KIF1A: variants seen among roughly 807,000 people sequenced by gnomAD.
The protein encoded by KIF1A is kinesin family member 1A.
A neutral mutation model predicts 227.3 loss-of-function variants in KIF1A; 46 were observed. That is an observed-to-expected ratio of 0.20 (90% CI 0.16 to 0.26). KIF1A has a LOEUF of 0.26. KIF1A is among the 10% of genes least tolerant of loss of function. The probability of loss-of-function intolerance (pLI) is 1.00; values close to 1 mark genes in which losing one functional copy is unlikely to be tolerated. For missense variants in KIF1A, 1,683 were observed against 2,485.9 expected (o/e 0.68, Z 6.87); for synonymous variants, 1,022 against 1,012.8 (o/e 1.01, Z -0.17).
chr2:240,781,475 ACACACACACACAGCTC>A (rs2053994279), intron 10 of KIF1A, among the ~76,000 whole-genome samples: 2 of 135,018 alleles, frequency 1.5e-5, no homozygotes, highest in African/African-American at 2.8e-5. Context: ...ACACACACAC[ACACACACACACAGCTC>A]CACACACAGC....
chr2:240,746,306 G>A (rs914140491), intron 29 of KIF1A, 129 bp from the exon 30 acceptor site: 134 of 1,095,660 alleles, frequency 1.2e-4, no homozygotes, highest in Admixed American at 3.6e-4. Context: ...ATGAACCCAC[G>A]CACCAGACCT....
At chr2:240,721,092 CTG>C in intron 44 of KIF1A, 54 bp from the exon 45 acceptor site, 5 of 1,598,816 alleles carry the variant, frequency 3.1e-6, no homozygotes, top group Non-Finnish European at 4.3e-6. Flanking sequence ...TCTCCGGCCT[CTG>C]TGGGAGCTGC....
chr2:240,734,776 G>A (rs1002171791), intron 38 of KIF1A: 49 of 1,304,356 alleles, frequency 3.8e-5, no homozygotes, highest in Non-Finnish European at 4.9e-5. Context: ...CACGGTTAGT[G>A]AGGGCCGGGC....
At position 240,758,204 on chromosome 2, in the gene KIF1A, G is replaced by A. The variant is rs537672403; in HGVS notation, c.2582+156C>T. The stretch of plus-strand genomic sequence containing the variant: ...GGTGTGTGGAGAGGAATGGCTGGGA[G>A]GAACCTCAGGCCAGGGAGGACAGGG... On this transcript the variant is annotated intron_variant, in intron 26 of 48. Coordinates refer to ENST00000498729, the MANE Select transcript of KIF1A (RefSeq NM_001244008.2). This position sits in a 1 kb window ranked among gnomAD's most constrained non-coding sequence, Gnocchi z 5.2. 6.6e-6 allele frequency among the ~76,000 whole-genome samples: 1 copy of A among 152,338 alleles called. No homozygotes were observed. Among genetic ancestry groups the A allele is most frequent in the Non-Finnish European group, 1.5e-5 (1 of 68,020 alleles).
chr2:240,731,275 A>G lies in KIF1A; in HGVS notation c.4008-4335T>C, dbSNP rs542914775. On this transcript the variant is annotated intron_variant, in intron 38 of 48. Transcript: ENST00000498729. ...GGGCATGCCAGATGCCAGGTATGCC[A>G]GATGCCAGGCACAGACTAAACAGAG... Among the ~76,000 whole-genome samples, 15 of 152,112 alleles carry G rather than the reference A, an allele frequency of 9.9e-5. No homozygotes were observed. In the South Asian group the frequency reaches 2.7e-3, roughly 27 times the overall value.
intron 45 of KIF1A, chr2:240,720,662 AT>A: frequency 2.9e-6 from 1 of 343,474 alleles, no homozygotes. Flanking sequence ...GCTTTAGCTT[AT>A]TTTCCACCCA....
intron 37 of KIF1A, 168 bp from the exon 38 acceptor site, chr2:240,737,336 C>A (rs996132062): frequency 6.9e-6 from 4 of 576,482 alleles, no homozygotes; most frequent in African/African-American, 1.9e-5. Flanking sequence ...GGGTCCTCAG[C>A]AACCCAGGTG....
Position 240,778,405 on chromosome 2 carries a change from G to A in KIF1A, c.883-2479C>T, listed in dbSNP as rs1335293499. Among the ~76,000 whole-genome samples the A allele has an allele frequency of 2.0e-5, 3 of 150,882 alleles. No homozygotes were observed. The highest frequency in any genetic ancestry group is 4.4e-5 in the Non-Finnish European group (3 of 67,742). ...GTTCCTCACAGCTCCAGAGAAACTTGCCCACATTCCTCCAACATTTCCTAA... is the reference window on the plus strand; with the variant it reads ...GTTCCTCACAGCTCCAGAGAAACTTACCCACATTCCTCCAACATTTCCTAA... On this transcript the variant is annotated intron_variant, in intron 10 of 48. Transcript: ENST00000498729. The surrounding 1 kb of genome is among the most constrained non-coding windows in gnomAD (Gnocchi z 7.2).
At position 240,765,692 on chromosome 2, in the gene KIF1A, C is replaced by T. The variant is rs574613321; in HGVS notation, c.1768+18G>A. On this transcript the variant is annotated intron_variant, in intron 20 of 48. Transcript: ENST00000498729. ...TGCCTCTGCCTACCTGACTGGCCCC[C>T]GGAGTCCCCAGCCATACCTGAACGC... is the stretch of plus-strand genomic sequence containing the variant. 119 of 1,603,154 alleles carry T rather than the reference C, an allele frequency of 7.4e-5. No homozygotes were observed. The highest frequency in any genetic ancestry group is 5.0e-4 in the Middle Eastern group (3 of 6,052).
chr2:240,723,394 T>A lies in KIF1A; in HGVS notation c.4464+19A>T. On this transcript the variant is annotated intron_variant, in intron 42 of 48. Coordinates refer to ENST00000498729, the MANE Select transcript of KIF1A (RefSeq NM_001244008.2). Reference sequence around the variant, plus strand: ...CATGGACACCACCGTGCGGGCCTCATCCTCTGAGGCTGCCTCACCTCCTGC... The same window carrying A: ...CATGGACACCACCGTGCGGGCCTCAACCTCTGAGGCTGCCTCACCTCCTGC... The A allele has an allele frequency of 6.5e-7, 1 of 1,539,390 alleles. No individual in the cohort carries two copies. The highest frequency in any genetic ancestry group is 8.8e-7 in the Non-Finnish European group (1 of 1,139,276).
Position 240,745,867 on chromosome 2 carries a change from G to T in KIF1A, c.3245C>A (p.Ala1082Asp). ...AGCATCCAGGGGCCCATCCAGGGCG[G>T]CTTTCTCAGAGCTGTCTAGGAGGAG... ...EGLLLDSSEK[A>D]ALDGPLDAAL... The change falls in exon 31 of 49, where the codon GCC (alanine) becomes GAC (aspartate). Residue 1082 changes from alanine (A) to aspartate (D), a missense_variant. By Grantham distance (126) the Ala-to-Asp change is moderately radical. Transcript: ENST00000498729. 2 of 1,611,720 alleles carry T rather than the reference G, an allele frequency of 1.2e-6. No individual in the cohort carries two copies. The highest frequency in any genetic ancestry group is 1.1e-5 in the South Asian group (1 of 90,694).
chr2:240,730,216 G>T (rs1431105074), intron 38 of KIF1A, among the ~76,000 whole-genome samples: 1 of 152,212 alleles, frequency 6.6e-6, no homozygotes, highest in African/African-American at 2.4e-5. Context: ...CAGAGTAGCA[G>T]CTCACCCACA....
chr2:240,741,790 A>G (rs2048001719), intron 34 of KIF1A, among the ~76,000 whole-genome samples: 1 of 152,112 alleles, frequency 6.6e-6, no homozygotes, highest in Admixed American at 6.5e-5. Flanking sequence ...ACAGCCTACT[A>G]CACCTGTCCA....
chr2:240,754,256 C>A (rs1485909446), intron 27 of KIF1A, among the ~76,000 whole-genome samples: 1 of 152,230 alleles, frequency 6.6e-6, no homozygotes, highest in East Asian at 1.9e-4. Flanking sequence ...AATGCTCCCC[C>A]ATCTCTACAG....
chr2:240,721,421 G>A (rs936734251), intron 44 of KIF1A, among the ~76,000 whole-genome samples: 4 of 152,246 alleles, frequency 2.6e-5, no homozygotes, highest in African/African-American at 4.8e-5. Flanking sequence ...CAGCACAGCA[G>A]CAGTTTCCCA....
At position 240,766,747 on chromosome 2, in the gene KIF1A, T is replaced by TCACACACA. The variant is rs1344499129; in HGVS notation, c.1684+167_1684+168insTGTGTGTG. 3.5e-3 allele frequency among the ~76,000 whole-genome samples: 418 copies of TCACACACA among 119,454 alleles called. 1 individual carries two copies. The highest frequency in any genetic ancestry group is 0.025 in the Middle Eastern group (6 of 236). 78.4% of individuals were successfully genotyped at this position (119,454 alleles called of 152,430 possible). A position where few individuals can be genotyped will look rare whatever the true frequency, so the allele number is the denominator to read the frequency against. On this transcript the variant is annotated intron_variant, in intron 19 of 48. Coordinates refer to ENST00000498729, the MANE Select transcript of KIF1A (RefSeq NM_001244008.2). The surrounding 1 kb of genome is among the most constrained non-coding windows in gnomAD (Gnocchi z 5.0). The stretch of plus-strand genomic sequence containing the variant: ...ATCTCTCTCTCTCTCTCTCTCTCTC[T>TCACACACA]CTCACACACACACACACACACACAC...
chr2:240,817,813 G>A (rs1559553403), intron 1 of KIF1A, among the ~76,000 whole-genome samples: 1 of 152,150 alleles, frequency 6.6e-6, no homozygotes. Flanking sequence ...AATCCCACAG[G>A]AGGACTGCCC....
At chr2:240,753,990 C>T (rs950357189) in intron 27 of KIF1A, among the ~76,000 whole-genome samples, 2 of 152,178 alleles carry the variant, frequency 1.3e-5, no homozygotes, top group Non-Finnish European at 2.9e-5. Flanking sequence ...GGCAATTCAC[C>T]TGGGCACCTG....
intron 8 of KIF1A, among the ~76,000 whole-genome samples, chr2:240,783,342 C>T (rs1012397753): frequency 2.6e-5 from 4 of 152,194 alleles, no homozygotes; most frequent in Admixed American, 2.6e-4. Flanking sequence ...TGATATCATC[C>T]CATGTCCCCC....
Sources: allele counts gnomAD v4.1 joint callset (sites outside exome capture counted in the v4.1 genomes callset), GRCh38; gene constraint gnomAD v4.1.1; non-coding constraint Gnocchi (gnomAD v3.1); transcripts MANE v1.5; gene names NCBI Gene and HGNC (gene_info 2026-07-23, HGNC 2026-07-21).